The following PLXDC1 variants were observed in gnomAD, a reference collection of about 807,000 sequenced individuals.
The protein encoded by PLXDC1 is plexin domain-containing protein 1.
A neutral mutation model predicts 61.3 loss-of-function variants in PLXDC1; 39 were observed. The observed-to-expected ratio is 0.64, with a 90% CI of 0.49 to 0.83. PLXDC1 has a LOEUF of 0.83. Ranked by LOEUF, PLXDC1 falls within the 40% of genes least tolerant of loss-of-function variation. The pLI is 0.00. For synonymous variants in PLXDC1, 212 were observed against 254.5 expected (o/e 0.83, Z 1.59); for missense variants, 596 against 666.5 (o/e 0.89, Z 1.17).
chr17:39,134,771 AC>A (rs1039115032), intron 2 of PLXDC1, among the ~76,000 whole-genome samples: 2 of 151,880 alleles, frequency 1.3e-5, no homozygotes, highest in Admixed American at 1.3e-4. Flanking sequence ...CCTCTTCACC[AC>A]CCCAGCTGCC....
intron 2 of PLXDC1, among the ~76,000 whole-genome samples, chr17:39,137,813 G>A (rs1911803593): frequency 6.6e-6 from 1 of 151,938 alleles, no homozygotes; most frequent in Admixed American, 6.6e-5. Context: ...AGAAAGGGAG[G>A]CCCCAGGATG....
At chr17:39,152,521 A>G, upstream of PLXDC1, 1 of 1,237,968 alleles carries the variant, frequency 8.1e-7, no homozygotes, top group Non-Finnish European at 1.0e-6. Context: ...GGACACGAAG[A>G]TGCCTCTTCC....
intron 2 of PLXDC1, among the ~76,000 whole-genome samples, chr17:39,128,953 T>G (rs1266029770): frequency 1.3e-5 from 2 of 150,792 alleles, no homozygotes; most frequent in Admixed American, 6.6e-5. Context: ...GAGGTTGCAG[T>G]GAGCCGAGAT....
intron 2 of PLXDC1, among the ~76,000 whole-genome samples, chr17:39,127,678 G>A (rs898675646): frequency 2.2e-4 from 33 of 152,108 alleles, no homozygotes; most frequent in Admixed American, 1.1e-3. Flanking sequence ...CAATAAGGCC[G>A]GGTGCAGTGG....
intron 2 of PLXDC1, among the ~76,000 whole-genome samples, chr17:39,135,640 C>T (rs1234327177): frequency 2.0e-5 from 3 of 149,834 alleles, no homozygotes; most frequent in Non-Finnish European, 4.4e-5. Flanking sequence ...GATTACACCA[C>T]TCATTCCAGC....
intron 1 of PLXDC1, among the ~76,000 whole-genome samples, chr17:39,142,617 C>T (rs1911970470): frequency 1.3e-5 from 2 of 152,226 alleles, no homozygotes; most frequent in South Asian, 4.1e-4. Flanking sequence ...ACCTCTCAGG[C>T]TCAAGCAATC....
At chr17:39,142,966 C>T (rs1475710139) in intron 1 of PLXDC1, among the ~76,000 whole-genome samples, 3 of 151,916 alleles carry the variant, frequency 2.0e-5, no homozygotes, top group East Asian at 1.9e-4. Context: ...GACGAAACCC[C>T]GTCTCTACTA....
chr17:39,070,177 A>G (rs577125178), intron 12 of PLXDC1, 161 bp from the exon 13 acceptor site: 5 of 549,550 alleles, frequency 9.1e-6, no homozygotes, highest in African/African-American at 3.8e-5. Flanking sequence ...TGGAATCATT[A>G]TGAGTAAGGC....
At chr17:39,072,716 C>G (rs1421245381) in intron 11 of PLXDC1, 1 of 558,240 alleles carries the variant, frequency 1.8e-6, no homozygotes, top group Non-Finnish European at 3.3e-6. Context: ...AGTGGAGGGC[C>G]GGCTGCCTGG....
At position 39,067,564 on chromosome 17, in the gene PLXDC1, CT is replaced by C. The variant is rs1908941925; in HGVS notation, c.*275del. The C allele has an allele frequency of 3.1e-6, 1 of 321,698 alleles. No individual in the cohort carries two copies. The highest frequency in any genetic ancestry group is 5.7e-6 in the Non-Finnish European group (1 of 175,142). The allele number at this position is 321,698 out of a possible 1,614,324, so 19.9% of individuals were successfully genotyped here. On this transcript the variant is annotated 3_prime_UTR_variant, in exon 14 of 14. Transcript: ENST00000315392. ...GGAGTTAGTTATGTTAGTTCTTCTG[CT>C]GTTTCATGGTTACAAGACACAGAAG...
chr17:39,127,829 G>A (rs1274748242), intron 2 of PLXDC1, among the ~76,000 whole-genome samples: 3 of 150,652 alleles, frequency 2.0e-5, no homozygotes, highest in Non-Finnish European at 4.4e-5. Context: ...ATGGTGGCGG[G>A]CGCCTGTAGT....
intron 1 of PLXDC1, among the ~76,000 whole-genome samples, chr17:39,147,087 C>T (rs1276594835): frequency 2.7e-5 from 4 of 149,842 alleles, no homozygotes; most frequent in Non-Finnish European, 4.4e-5. Flanking sequence ...TCCCAAGTAG[C>T]TGGGATTACA....
chr17:39,139,737 G>T lies in PLXDC1; in HGVS notation c.172C>A (p.Pro58Thr). ...TCCTGGCTCAGCTGGGTCCTGTCCG[G>T]CTCTGACACATGCCCAGGGCTCTCT... ...ARESPGHVSE[P>T]DRTQLSQDLG... The change falls in exon 2 of 14, where the codon CCG becomes ACG. Residue 58 changes from proline to threonine, a missense_variant. By Grantham distance (38) the Pro-to-Thr change is conservative. Transcript: ENST00000315392. 2 of 1,614,014 alleles carry T rather than the reference G, an allele frequency of 1.2e-6. No homozygotes were observed. Among genetic ancestry groups the T allele is most frequent in the Non-Finnish European group, 1.7e-6 (2 of 1,180,002 alleles).
intron 2 of PLXDC1, among the ~76,000 whole-genome samples, chr17:39,134,461 A>C (rs553230427): frequency 3.3e-5 from 5 of 150,314 alleles, no homozygotes; most frequent in African/African-American, 1.2e-4. Flanking sequence ...GCCCGTCTCT[A>C]CTGAAATACA....
chr17:39,085,141 T>G (rs1417717207), intron 8 of PLXDC1, among the ~76,000 whole-genome samples: 3 of 152,238 alleles, frequency 2.0e-5, no homozygotes, highest in African/African-American at 7.2e-5. Flanking sequence ...CAGGAGCCAA[T>G]GTGCATTACA....
In PLXDC1 at chr17:39,063,813, G is replaced by T; in HGVS notation, c.*4027C>A. 3.2e-6 allele frequency: 1 copy of T among 310,188 alleles called. No homozygotes were observed. Among genetic ancestry groups the T allele is most frequent in the Non-Finnish European group, 6.0e-6 (1 of 165,600 alleles). The allele number at this position is 310,188 out of a possible 1,614,324, so 19.2% of individuals were successfully genotyped here. On this transcript the variant is annotated 3_prime_UTR_variant, in exon 14 of 14. Transcript: ENST00000315392. ...TGTGACACTGACTCTTCTGGTGTAG[G>T]TTTGCTTGGCCAGGGAGTCTGAGTG... is the stretch of plus-strand genomic sequence containing the variant.
At position 39,139,511 on chromosome 17, in the gene PLXDC1, C is replaced by G. The variant is rs543311127; in HGVS notation, c.255+143G>C. ...CTGGGCCCTGCTTCCATCCCCTCCC[C>G]GGGGATTCTTCTCTCCACCCTGTCC... On this transcript the variant is annotated intron_variant, in intron 2 of 13. Transcript: ENST00000315392. 6.8e-6 allele frequency: 5 copies of G among 730,640 alleles called. No homozygotes were observed. In the African/African-American group the frequency reaches 8.9e-5, roughly 13 times the overall value. 45.3% of individuals were successfully genotyped at this position (730,640 alleles called of 1,614,324 possible).
intron 7 of PLXDC1, among the ~76,000 whole-genome samples, chr17:39,098,598 G>A (rs1017166467): frequency 2.0e-5 from 3 of 152,112 alleles, no homozygotes; most frequent in Admixed American, 1.3e-4. Flanking sequence ...ATTTGTTCTC[G>A]CCACCACTAG....
rs974106591 is a variant in PLXDC1 at position 39,093,290 on chromosome 17, C to T, written c.812-5588G>A. ...TCTCCCTATGTTGCCCAGGCTGGTC[C>T]CAAACTCCTGGCCTCAAGCAATCCT... is the stretch of plus-strand genomic sequence containing the variant. On this transcript the variant is annotated intron_variant, in intron 7 of 13. Transcript: ENST00000315392. 2.1e-4 allele frequency among the ~76,000 whole-genome samples: 32 copies of T among 152,092 alleles called. 1 individual carries two copies. The highest frequency in any genetic ancestry group is 8.8e-5 in the Non-Finnish European group (6 of 68,004).
Sources: gnomAD v4.1 joint callset for allele counts (sites outside exome capture counted in the v4.1 genomes callset) on GRCh38, gnomAD v4.1.1 for gene constraint, MANE v1.5 for transcripts, NCBI Gene and HGNC (gene_info 2026-07-23, HGNC 2026-07-21) for gene names.